ZG16B: variants seen among roughly 807,000 people sequenced by gnomAD.
ZG16B encodes pancreatic adenocarcinoma up-regulated factor.
A neutral mutation model predicts 7.0 loss-of-function variants in ZG16B; 8 were observed. That is an observed-to-expected ratio of 1.15 (90% CI 0.68 to 2.08). The LOEUF is 2.08. Ranked by LOEUF, ZG16B falls within the 30% of genes most tolerant of loss-of-function variation. ZG16B has a pLI of 0.00. For missense variants in ZG16B, 232 were observed against 211.0 expected (o/e 1.10, Z -0.62); for synonymous variants, 92 against 86.1 (o/e 1.07, Z -0.38).
rs73495338 is a variant in ZG16B at position 2,830,481 on chromosome 16, A to T, written c.40A>T (p.Thr14Ser). Residue 14 changes from threonine to serine, a missense_variant, in exon 2 of 4, where the codon ACC becomes TCC. By Grantham distance (58) the Thr-to-Ser change is moderately conservative (BLOSUM62 1). Coordinates refer to ENST00000382280, the MANE Select transcript of ZG16B (RefSeq NM_145252.3). ...LLTLALLGGPTWAGKMYGPGG... is the reference protein window; with the variant it reads ...LLTLALLGGPSWAGKMYGPGG... The stretch of plus-strand genomic sequence containing the variant: ...CACGCTTGCCCTCCTGGGGGGCCCC[A>T]CCTGGGCAGGGAGTAAGTCAGTGGG... 7.8e-3 allele frequency: 12,402 copies of T among 1,597,350 alleles called. 785 individuals are homozygous for T. In the African/African-American group the frequency reaches 0.14, roughly 19 times the overall value.
chr16:2,831,359 G>A (rs966038560), intron 3 of ZG16B, among the ~76,000 whole-genome samples: 6 of 152,312 alleles, frequency 3.9e-5, no homozygotes, highest in South Asian at 2.1e-4. Flanking sequence ...TCAGGGAAGC[G>A]CTGGCGAGTG....
intron 3 of ZG16B, chr16:2,831,294 G>C (rs1374437971): frequency 1.0e-5 from 2 of 191,654 alleles, no homozygotes; most frequent in African/African-American, 4.7e-5. Context: ...GGGCGAGCCG[G>C]AGGGGTGCAT....
In ZG16B at chr16:2,831,893, A is replaced by G; in HGVS notation, c.253A>G (p.Lys85Glu). 1.2e-6 allele frequency: 2 copies of G among 1,614,132 alleles called. No homozygotes were observed. Among genetic ancestry groups the G allele is most frequent in the Non-Finnish European group, 1.7e-6 (2 of 1,180,020 alleles). ...VTLQPGEYITKVFVAFQAFLR... is the reference protein window; with the variant it reads ...VTLQPGEYITEVFVAFQAFLR... Reference sequence around the variant, plus strand: ...CCTGCAGCCAGGCGAATACATCACAAAAGTCTTTGTCGCCTTCCAAGCTTT... The same window carrying G: ...CCTGCAGCCAGGCGAATACATCACAGAAGTCTTTGTCGCCTTCCAAGCTTT... The change falls in exon 4 of 4, where the codon AAA becomes GAA. Residue 85 changes from lysine (K) to glutamate (E), a missense_variant. Coordinates refer to ENST00000382280, the MANE Select transcript of ZG16B (RefSeq NM_145252.3).
Position 2,832,041 on chromosome 16 carries a change from A to C in ZG16B, c.401A>C (p.Gln134Pro). Residue 134 changes from glutamine (Q) to proline (P), a missense_variant, in exon 4 of 4, where the codon CAG becomes CCG. Physicochemically the swap from Gln to Pro is moderately conservative, Grantham distance 76 (BLOSUM62 -1). Coordinates refer to ENST00000382280, the MANE Select transcript of ZG16B (RefSeq NM_145252.3). Reference protein sequence around the residue: ...EGQVLVGIYGQYQLLGIKSIG... With the variant: ...EGQVLVGIYGPYQLLGIKSIG... ...CAGGTGCTGGTGGGCATCTATGGCCAGTATCAACTCCTTGGCATCAAGAGC... is the reference window on the plus strand; with the variant it reads ...CAGGTGCTGGTGGGCATCTATGGCCCGTATCAACTCCTTGGCATCAAGAGC... The C allele has an allele frequency of 6.2e-7, 1 of 1,614,188 alleles. No homozygotes were observed. The highest frequency in any genetic ancestry group is 8.5e-7 in the Non-Finnish European group (1 of 1,180,036).
At chr16:2,830,919 T>C in intron 3 of ZG16B, 123 bp downstream of exon 3, 1 of 939,430 alleles carries the variant, frequency 1.1e-6, no homozygotes, top group Non-Finnish European at 1.7e-6. Flanking sequence ...CTACTGTCGA[T>C]GCTTCCTGGC....
chr16:2,830,666 C>A, intron 2 of ZG16B, 28 bp from the exon 3 acceptor site: 2 of 1,613,726 alleles, frequency 1.2e-6, no homozygotes, highest in South Asian at 1.1e-5. Context: ...TGGGGATTTT[C>A]TTCCCTTTGG....
chr16:2,832,273 A>C lies in ZG16B; in HGVS notation c.*114A>C. 1 of 1,451,268 alleles carries C rather than the reference A, an allele frequency of 6.9e-7. No homozygotes were observed. The highest frequency in any genetic ancestry group is 9.2e-7 in the Non-Finnish European group (1 of 1,083,638). 89.9% of individuals were successfully genotyped at this position (1,451,268 alleles called of 1,614,324 possible). On this transcript the variant is annotated 3_prime_UTR_variant, in exon 4 of 4. Coordinates refer to ENST00000382280, the MANE Select transcript of ZG16B (RefSeq NM_145252.3). ...ATCCACCAATAAATAAAGGTTCTGC[A>C]GAATCAGTGCATCCAGGATTGGTCC...
In ZG16B at chr16:2,832,159, G is replaced by C. The variant is rs2069262056; in HGVS notation, c.519G>C (p.Ter173TyrextTer9). Reference sequence around the variant, plus strand: ...CAGCAAACTCACCCGTGGGTCGCTAGGGTGGGGTATGGGGCCATCCGAGCT... The same window carrying C: ...CAGCAAACTCACCCGTGGGTCGCTACGGTGGGGTATGGGGCCATCCGAGCT... The part of the protein sequence containing the change: ...TYSANSPVGR[*>Y] Residue 173 changes from the stop codon to tyrosine (Y), a stop_lost, in exon 4 of 4, where the codon TAG becomes TAC. Transcript: ENST00000382280. 1 of 1,610,900 alleles carries C rather than the reference G, an allele frequency of 6.2e-7. No individual in the cohort carries two copies. Among genetic ancestry groups the C allele is most frequent in the Non-Finnish European group, 8.5e-7 (1 of 1,177,682 alleles).
At chr16:2,830,898 C>T (rs2069251170) in intron 3 of ZG16B, 102 bp downstream of exon 3, 3 of 1,199,568 alleles carry the variant, frequency 2.5e-6, no homozygotes, top group East Asian at 4.7e-5. Context: ...ACTTTTGCCA[C>T]ACATGCCTGG....
intron 3 of ZG16B, 92 bp downstream of exon 3, chr16:2,830,888 A>G (rs1009800637): frequency 7.6e-7 from 1 of 1,307,990 alleles, no homozygotes; most frequent in South Asian, 1.2e-5. Context: ...ACCCGTGGCC[A>G]CTTTTGCCAC....
At chr16:2,831,708 T>C in intron 3 of ZG16B, 88 bp from the exon 4 acceptor site, 1 of 1,526,122 alleles carries the variant, frequency 6.6e-7, no homozygotes, top group Admixed American at 2.0e-5. Context: ...ACTCTCTGCA[T>C]CCCGGGAAGG....
In ZG16B at chr16:2,830,511, G is replaced by A. The variant is rs143713656; in HGVS notation, c.52+18G>A. 12 of 1,593,656 alleles carry A rather than the reference G, an allele frequency of 7.5e-6. No homozygotes were observed. The African/African-American group carries it at 1.6e-4, about 21-fold the overall frequency. On this transcript the variant is annotated intron_variant, in intron 2 of 3. Transcript: ENST00000382280. ...GGCAGGGAGTAAGTCAGTGGGGTCT[G>A]CCCTCAATCTCCCCTGCCTCCCTCC...
chr16:2,832,210 A>C lies in ZG16B; in HGVS notation c.*51A>C. 6.3e-7 allele frequency: 1 copy of C among 1,579,304 alleles called. No homozygotes were observed. Among genetic ancestry groups the C allele is most frequent in the South Asian group, 1.2e-5 (1 of 86,430 alleles). On this transcript the variant is annotated 3_prime_UTR_variant, in exon 4 of 4. Coordinates refer to ENST00000382280, the MANE Select transcript of ZG16B (RefSeq NM_145252.3). ...GAGGCCATCTGGGTGGTGGTGGCTG[A>C]TGGTACTGGAGTAACTGAGTCGGGA...
At position 2,830,765 on chromosome 16, in the gene ZG16B, C is replaced by T. The variant is rs952449336; in HGVS notation, c.124C>T (p.Arg42Trp). Residue 42 changes from arginine (R) to tryptophan (W), a missense_variant, in exon 3 of 4, where the codon CGG becomes TGG. Physicochemically the swap from Arg to Trp is moderately radical, Grantham distance 101 (BLOSUM62 -3). Transcript: ENST00000382280. ...CTACGACCATGAAATCACAGGGCTG[C>T]GGGTGTCTGTAGGTCTTCTCCTGGT... Reference protein sequence around the residue: ...EDYDHEITGLRVSVGLLLVKS... With the variant: ...EDYDHEITGLWVSVGLLLVKS... 43 of 1,614,024 alleles carry T rather than the reference C, an allele frequency of 2.7e-5. No individual in the cohort carries two copies. The Admixed American group carries it at 3.8e-4, about 14-fold the overall frequency.
At position 2,830,739 on chromosome 16, in the gene ZG16B, A is replaced by C. The variant is rs1416369055; in HGVS notation, c.98A>C (p.Asp33Ala). Residue 33 changes from aspartate to alanine, a missense_variant, in exon 3 of 4, where the codon GAC becomes GCC. By Grantham distance (126) the Asp-to-Ala change is moderately radical. Coordinates refer to ENST00000382280, the MANE Select transcript of ZG16B (RefSeq NM_145252.3). ...GGGKYFSTTE[D>A]YDHEITGLRV... is the part of the protein sequence containing the mutation. ...GGCAAGTATTTCAGCACCACTGAAG[A>C]CTACGACCATGAAATCACAGGGCTG... The C allele has an allele frequency of 6.2e-7, 1 of 1,614,198 alleles. No individual in the cohort carries two copies. Among genetic ancestry groups the C allele is most frequent in the South Asian group, 1.1e-5 (1 of 91,076 alleles).
chr16:2,830,466 C>A lies in ZG16B; in HGVS notation c.25C>A (p.Leu9Ile), dbSNP rs1158500556. ...CATGCTGCTGCTGCTCACGCTTGCC[C>A]TCCTGGGGGGCCCCACCTGGGCAGG... The part of the protein sequence containing the change: MLLLLTLA[L>I]LGGPTWAGKM... Residue 9 changes from leucine (L) to isoleucine (I), a missense_variant, in exon 2 of 4, where the codon CTC becomes ATC. Physicochemically the swap from Leu to Ile is conservative, Grantham distance 5. Coordinates refer to ENST00000382280, the MANE Select transcript of ZG16B (RefSeq NM_145252.3). The A allele has an allele frequency of 1.9e-6, 3 of 1,600,906 alleles. No homozygotes were observed. In the African/African-American group the frequency reaches 4.0e-5, roughly 21 times the overall value.
chr16:2,830,955 C>T (rs894303400), intron 3 of ZG16B, 159 bp downstream of exon 3: 9 of 721,300 alleles, frequency 1.2e-5, no homozygotes, highest in Admixed American at 1.1e-4. Context: ...CTGGCTGGAG[C>T]GGAGACGGTC....
intron 3 of ZG16B, 51 bp downstream of exon 3, chr16:2,830,847 C>T (rs370816366): frequency 1.4e-5 from 23 of 1,596,714 alleles, no homozygotes; most frequent in African/African-American, 2.7e-5. Context: ...TCCCATCCCA[C>T]AGTTTCAGGA....
chr16:2,832,154 C>A lies in ZG16B; in HGVS notation c.514C>A (p.Arg172Ser), dbSNP rs774712949. The A allele has an allele frequency of 8.7e-6, 14 of 1,610,868 alleles. No individual in the cohort carries two copies. Among genetic ancestry groups the A allele is most frequent in the Non-Finnish European group, 1.1e-5 (13 of 1,177,740 alleles). Reference sequence around the variant, plus strand: ...ATACTCAGCAAACTCACCCGTGGGTCGCTAGGGTGGGGTATGGGGCCATCC... The same window carrying A: ...ATACTCAGCAAACTCACCCGTGGGTAGCTAGGGTGGGGTATGGGGCCATCC... ...LTYSANSPVG[R>S] The change falls in exon 4 of 4, where the codon CGC becomes AGC. Residue 172 changes from arginine to serine, a missense_variant. Arg to Ser is a moderately radical substitution (Grantham distance 110). Coordinates refer to ENST00000382280, the MANE Select transcript of ZG16B (RefSeq NM_145252.3).
Sources: gnomAD v4.1 joint callset for allele counts (sites outside exome capture counted in the v4.1 genomes callset) on GRCh38, gnomAD v4.1.1 for gene constraint, MANE v1.5 for transcripts, NCBI Gene and HGNC (gene_info 2026-07-23, HGNC 2026-07-21) for gene names.